The following DLGAP5 variants were observed in gnomAD, a reference collection of about 807,000 sequenced individuals.
DLGAP5 encodes the protein DLG associated protein 5.
Under a neutral mutation model 99.6 loss-of-function variants are expected in DLGAP5, and 90 were observed. The ratio of observed to expected loss-of-function variants is 0.90; its 90% CI spans 0.76 to 1.08. The LOEUF (loss-of-function observed/expected upper bound fraction) is 1.08, where lower values mean the gene tolerates loss of function less well. Ranked by LOEUF, DLGAP5 falls within the 50% of genes least tolerant of loss-of-function variation. The pLI, the probability that DLGAP5 is intolerant of heterozygous loss-of-function variation, is 0.00. For missense variants in DLGAP5, 1,036 were observed against 983.5 expected (o/e 1.05, Z -0.71); for synonymous variants, 311 against 321.3 (o/e 0.97, Z 0.34).
intron 7 of DLGAP5, among the ~76,000 whole-genome samples, chr14:55,177,704 AT>A (rs1293916528): frequency 6.6e-6 from 1 of 151,362 alleles, no homozygotes; most frequent in Admixed American, 6.6e-5. Flanking sequence ...CGCCCGGCTA[AT>A]TTTTTGTATT....
chr14:55,180,634 C>G, intron 6 of DLGAP5, 22 bp downstream of exon 6: 1 of 1,613,658 alleles, frequency 6.2e-7, no homozygotes, highest in Non-Finnish European at 8.5e-7. Flanking sequence ...AGTTCAGTCA[C>G]TGATCAAGGA....
At chr14:55,167,731 G>A (rs1009951844) in intron 12 of DLGAP5, among the ~76,000 whole-genome samples, 2 of 151,496 alleles carry the variant, frequency 1.3e-5, no homozygotes, top group African/African-American at 4.9e-5. Context: ...TGATTGGTTC[G>A]GTATAGAAAT....
chr14:55,189,127 ATT>A lies in DLGAP5; in HGVS notation c.51_52del (p.Glu17AspfsTer3), dbSNP rs754766271. 1 of 1,613,784 alleles carries A rather than the reference ATT, an allele frequency of 6.2e-7. No homozygotes were observed. Among genetic ancestry groups the A allele is most frequent in the East Asian group, 2.2e-5 (1 of 44,846 alleles). On this transcript the variant is annotated frameshift_variant, in exon 2 of 19. Coordinates refer to ENST00000247191, the MANE Select transcript of DLGAP5 (RefSeq NM_014750.5). LOFTEE classifies it high-confidence loss of function. ...CCTATGAGCAATTTTAGTTCTAATCATTTCAGTACTTATATCCTTCCTGTGTC... is the reference window on the plus strand; with the variant it reads ...CCTATGAGCAATTTTAGTTCTAATCATCAGTACTTATATCCTTCCTGTGTC...
chr14:55,188,185 C>T (rs1224739115), intron 2 of DLGAP5, among the ~76,000 whole-genome samples: 1 of 152,160 alleles, frequency 6.6e-6, no homozygotes, highest in East Asian at 1.9e-4. Context: ...GCTCCTAACG[C>T]CTGCTATATG....
At chr14:55,174,705 A>T (rs951752034) in intron 10 of DLGAP5, among the ~76,000 whole-genome samples, 1 of 151,452 alleles carries the variant, frequency 6.6e-6, no homozygotes, top group Admixed American at 6.6e-5. Flanking sequence ...ATATATATAT[A>T]TTTTGAGATG....
chr14:55,177,453 G>A (rs973818066), intron 7 of DLGAP5, 117 bp from the exon 8 acceptor site: 1 of 944,726 alleles, frequency 1.1e-6, no homozygotes, highest in African/African-American at 1.7e-5. Context: ...TACATAATTT[G>A]AGAGACAAAA....
At chr14:55,173,946 T>C (rs1405128188) in intron 10 of DLGAP5, among the ~76,000 whole-genome samples, 1 of 152,188 alleles carries the variant, frequency 6.6e-6, no homozygotes, top group Non-Finnish European at 1.5e-5. Flanking sequence ...CATGTGTGTT[T>C]GAGCAATATG....
chr14:55,163,685 T>A (rs1308602527), intron 12 of DLGAP5, among the ~76,000 whole-genome samples: 1 of 152,252 alleles, frequency 6.6e-6, no homozygotes, highest in Admixed American at 6.5e-5. Context: ...CCCCAGCACT[T>A]GCTGTTGGCA....
chr14:55,149,819 G>C (rs913054964), intron 18 of DLGAP5, among the ~76,000 whole-genome samples: 7 of 39,768 alleles, frequency 1.8e-4, no homozygotes, highest in Admixed American at 1.3e-3. Flanking sequence ...TCGGGGCGGG[G>C]GGGGGGCATC....
chr14:55,188,907 C>G, intron 2 of DLGAP5, 35 bp downstream of exon 2: 1 of 1,557,344 alleles, frequency 6.4e-7, no homozygotes, highest in Non-Finnish European at 8.8e-7. Context: ...ATTCACTCTT[C>G]AAAGTACTTA....
At position 55,158,725 on chromosome 14, in the gene DLGAP5, C is replaced by A. The variant is rs1262305614; in HGVS notation, c.1670G>T (p.Gly557Val). ...ATCCTGTTTTGGTTTACTTGCTATA[C>A]CTGAGACAACTTTTTTCTGCAAAGA... ...KNVFRKKVVS[G>V]IASKPKQDDA... is the part of the protein sequence containing the mutation. The change falls in exon 14 of 19, where the codon GGT (glycine) becomes GTT (valine). Residue 557 changes from glycine to valine, a missense_variant. Transcript: ENST00000247191. 4 of 1,613,166 alleles carry A rather than the reference C, an allele frequency of 2.5e-6. No individual in the cohort carries two copies. The African/African-American group carries it at 4.0e-5, about 16-fold the overall frequency.
intron 13 of DLGAP5, among the ~76,000 whole-genome samples, chr14:55,161,735 C>T (rs1250164049): frequency 2.7e-5 from 4 of 149,486 alleles, no homozygotes; most frequent in Admixed American, 6.6e-5. Flanking sequence ...TAAGGCCGAG[C>T]GCAGTGGCTC....
At chr14:55,191,181 G>A (rs1300917437) in intron 1 of DLGAP5, 2 of 152,184 alleles carry the variant, frequency 1.3e-5, no homozygotes, top group Non-Finnish European at 2.9e-5. Context: ...TGGGACCTGG[G>A]AAGAGCTACG....
At position 55,163,026 on chromosome 14, in the gene DLGAP5, G is replaced by A; in HGVS notation, c.1598C>T (p.Ser533Phe). 1 of 1,601,652 alleles carries A rather than the reference G, an allele frequency of 6.2e-7. No homozygotes were observed. The highest frequency in any genetic ancestry group is 1.1e-5 in the South Asian group (1 of 88,614). The change falls in exon 13 of 19, where the codon TCT (serine) becomes TTT (phenylalanine). Residue 533 changes from serine to phenylalanine, a missense_variant. Ser to Phe is a radical substitution (Grantham distance 155, BLOSUM62 -2). Coordinates refer to ENST00000247191, the MANE Select transcript of DLGAP5 (RefSeq NM_014750.5). Reference sequence around the variant, plus strand: ...CATATTATTATTGACTTGCCACCCAGATTCCTCAAGTTTGATCAGATTGTT... The same window carrying A: ...CATATTATTATTGACTTGCCACCCAAATTCCTCAAGTTTGATCAGATTGTT... ...KFNNLIKLEE[S>F]GWQVNNNMNH...
chr14:55,154,791 G>A lies in DLGAP5; in HGVS notation c.1889C>T (p.Ser630Phe). Reference protein sequence around the residue: ...VKLFSGLSVSSEGPSQRLGTP... With the variant: ...VKLFSGLSVSFEGPSQRLGTP... ...TCCAAGTCTTTGAGAAGGGCCTTCA[G>A]AAGAGACAGAAAGTCCTAGAAGATG... Residue 630 changes from serine (S) to phenylalanine (F), a missense_variant, in exon 15 of 19, where the codon TCT (serine) becomes TTT (phenylalanine). Physicochemically the swap from Ser to Phe is radical, Grantham distance 155. Coordinates refer to ENST00000247191, the MANE Select transcript of DLGAP5 (RefSeq NM_014750.5). The A allele has an allele frequency of 6.2e-7, 1 of 1,613,970 alleles. No homozygotes were observed. The highest frequency in any genetic ancestry group is 8.5e-7 in the Non-Finnish European group (1 of 1,179,972).
intron 12 of DLGAP5, among the ~76,000 whole-genome samples, chr14:55,166,879 TAA>T (rs1334737097): frequency 2.3e-4 from 33 of 141,330 alleles, no homozygotes; most frequent in Non-Finnish European, 2.2e-4. Flanking sequence ...CTTTTGTGTT[TAA>T]AAAAAAAAAA....
intron 18 of DLGAP5, among the ~76,000 whole-genome samples, chr14:55,149,365 A>C (rs1254515787): frequency 6.6e-6 from 1 of 152,202 alleles, no homozygotes; most frequent in African/African-American, 2.4e-5. Flanking sequence ...AAACCAAGAA[A>C]GAATGGTACG....
chr14:55,168,352 C>G (rs1360655667), intron 12 of DLGAP5, among the ~76,000 whole-genome samples: 1 of 152,164 alleles, frequency 6.6e-6, no homozygotes, highest in Non-Finnish European at 1.5e-5. Context: ...TGTTCTTTTT[C>G]TAACAGGTAT....
chr14:55,185,303 G>A (rs1883395963), intron 2 of DLGAP5, among the ~76,000 whole-genome samples: 1 of 152,168 alleles, frequency 6.6e-6, no homozygotes, highest in East Asian at 1.9e-4. Flanking sequence ...GGGTTCAAGC[G>A]ATTCTACTGC....
Sources: allele counts gnomAD v4.1 joint callset (sites outside exome capture counted in the v4.1 genomes callset), GRCh38; gene constraint gnomAD v4.1.1; transcripts MANE v1.5; gene names NCBI Gene and HGNC (gene_info 2026-07-23, HGNC 2026-07-21).